CCDC6: variants seen among roughly 807,000 people sequenced by gnomAD.
CCDC6 encodes coiled-coil domain-containing protein 6.
Under a neutral mutation model 56.6 loss-of-function variants are expected in CCDC6, and 20 were observed. The observed-to-expected ratio is 0.35, with a 90% CI of 0.25 to 0.51. The LOEUF (loss-of-function observed/expected upper bound fraction) is 0.51. CCDC6 is among the 20% of genes least tolerant of loss of function. The pLI is 0.95. For synonymous variants in CCDC6, 241 were observed against 234.4 expected (o/e 1.03, Z -0.26); for missense variants, 367 against 601.1 (o/e 0.61, Z 4.07).
chr10:59,805,693 CA>C (rs2070615909), intron 6 of CCDC6: 2 of 152,142 alleles, frequency 1.3e-5, no homozygotes, highest in South Asian at 4.1e-4. Flanking sequence ...TTTTATAAGG[CA>C]AAGTTTTGAG....
intron 1 of CCDC6, among the ~76,000 whole-genome samples, chr10:59,893,615 A>AATAC (rs67669225): frequency 0.04 from 5,906 of 148,604 alleles, 112 homozygotes; most frequent in South Asian, 0.057. Context: ...CAAACAAACA[A>AATAC]ATACATACAT....
chr10:59,904,644 G>A (rs1304766346), intron 1 of CCDC6, among the ~76,000 whole-genome samples: 1 of 152,066 alleles, frequency 6.6e-6, no homozygotes, highest in Non-Finnish European at 1.5e-5. Flanking sequence ...CAAATTCCCC[G>A]CCCCCCACCT....
chr10:59,820,557 GGAAACA>G (rs1362280132), intron 3 of CCDC6, among the ~76,000 whole-genome samples: 1 of 151,964 alleles, frequency 6.6e-6, no homozygotes, highest in Non-Finnish European at 1.5e-5. Flanking sequence ...CTTAAGCCTG[GGAAACA>G]GAGTGAGATC....
chr10:59,885,713 C>A (rs2071377751), intron 1 of CCDC6, among the ~76,000 whole-genome samples: 1 of 152,072 alleles, frequency 6.6e-6, no homozygotes, highest in Non-Finnish European at 1.5e-5. Flanking sequence ...CATTTTTTTA[C>A]CAATTCTCTT....
chr10:59,842,527 A>G (rs1413039522), intron 2 of CCDC6, among the ~76,000 whole-genome samples: 2 of 152,140 alleles, frequency 1.3e-5, no homozygotes, highest in East Asian at 3.9e-4. Context: ...GGTAAACTAA[A>G]CTTGCATTTC....
intron 3 of CCDC6, among the ~76,000 whole-genome samples, chr10:59,827,200 C>T (rs994801834): frequency 6.6e-5 from 10 of 152,072 alleles, no homozygotes; most frequent in African/African-American, 2.2e-4. Context: ...AGGCAGAGCA[C>T]TTTTTTCAAA....
In CCDC6 at chr10:59,892,161, C is replaced by A. The variant is rs80115790; in HGVS notation, c.303+13961G>T. 8.0e-3 allele frequency among the ~76,000 whole-genome samples: 1,218 copies of A among 152,360 alleles called. 17 individuals carry two copies. Among genetic ancestry groups the A allele is most frequent in the African/African-American group, 0.027 (1,105 of 41,576 alleles). ...CCCATCAAAGTCCACCTTCTAGAAC[C>A]CATACCCCCATGAAAGAGGGTCAAA... is the stretch of plus-strand genomic sequence containing the variant. On this transcript the variant is annotated intron_variant, in intron 1 of 8. Coordinates refer to ENST00000263102, the MANE Select transcript of CCDC6 (RefSeq NM_005436.5).
intron 2 of CCDC6, among the ~76,000 whole-genome samples, chr10:59,837,563 G>A (rs1452314192): frequency 6.6e-6 from 1 of 152,022 alleles, no homozygotes; most frequent in Non-Finnish European, 1.5e-5. Flanking sequence ...GGCTAACATG[G>A]TGAAACCCTG....
intron 1 of CCDC6, among the ~76,000 whole-genome samples, chr10:59,901,009 G>A (rs2071500605): frequency 1.3e-5 from 2 of 152,066 alleles, no homozygotes; most frequent in African/African-American, 4.8e-5. Flanking sequence ...AGTGAACTGA[G>A]ATCGCACCAC....
At chr10:59,868,882 G>T (rs1229144334) in intron 1 of CCDC6, among the ~76,000 whole-genome samples, 1 of 149,458 alleles carries the variant, frequency 6.7e-6, no homozygotes, top group Non-Finnish European at 1.5e-5. Context: ...GAGGACTCTT[G>T]GAAGCTATGC....
chr10:59,858,367 C>T (rs2071096619), intron 1 of CCDC6, among the ~76,000 whole-genome samples: 1 of 152,138 alleles, frequency 6.6e-6, no homozygotes, highest in Admixed American at 6.6e-5. Flanking sequence ...TCCAGTATTG[C>T]CAGCAAGTCA....
At chr10:59,889,683 T>C (rs540935728) in intron 1 of CCDC6, among the ~76,000 whole-genome samples, 15 of 152,140 alleles carry the variant, frequency 9.9e-5, no homozygotes, top group Non-Finnish European at 1.5e-4. Context: ...ATTCAGCCAA[T>C]AAGAGGCACT....
At chr10:59,831,608 T>G (rs1387899818) in intron 3 of CCDC6, among the ~76,000 whole-genome samples, 2 of 152,208 alleles carry the variant, frequency 1.3e-5, no homozygotes, top group East Asian at 1.9e-4. Flanking sequence ...AGCTGGAAGA[T>G]CTTCATCTAC....
rs1417536917 is a variant in CCDC6 at position 59,790,512 on chromosome 10, C to G, written c.*2405G>C. 2 of 219,478 alleles carry G rather than the reference C, an allele frequency of 9.1e-6. No individual in the cohort carries two copies. The highest frequency in any genetic ancestry group is 9.1e-6 in the Non-Finnish European group (1 of 109,428). 13.6% of individuals were successfully genotyped at this position (219,478 alleles called of 1,614,324 possible). On this transcript the variant is annotated 3_prime_UTR_variant, in exon 9 of 9. Transcript: ENST00000263102. The stretch of plus-strand genomic sequence containing the variant: ...GTAAGACAATTGCCAAGAAATTGTC[C>G]TAGCAGGTACTACCCAAGTGTTACA...
intron 1 of CCDC6, among the ~76,000 whole-genome samples, chr10:59,901,355 G>A (rs924065680): frequency 6.6e-6 from 1 of 152,158 alleles, no homozygotes; most frequent in African/African-American, 2.4e-5. Context: ...TTCAGAGTCT[G>A]ACAAAAGTCT....
intron 7 of CCDC6, among the ~76,000 whole-genome samples, chr10:59,795,178 T>A (rs1341092462): frequency 6.6e-6 from 1 of 151,940 alleles, no homozygotes; most frequent in Non-Finnish European, 1.5e-5. Flanking sequence ...AAAGGCAACC[T>A]ATAGAATGGG....
intron 1 of CCDC6, among the ~76,000 whole-genome samples, chr10:59,889,850 G>C (rs1345589432): frequency 6.6e-6 from 1 of 152,164 alleles, no homozygotes; most frequent in African/African-American, 2.4e-5. Context: ...TTATCCTCCA[G>C]AGGGGTTGTG....
intron 1 of CCDC6, among the ~76,000 whole-genome samples, chr10:59,861,432 CAAAAAAAAAAAA>C (rs55716341): frequency 1.1e-5 from 1 of 88,970 alleles, no homozygotes; most frequent in African/African-American, 4.1e-5. Context: ...CAAAAATTAC[CAAAAAAAAAAAA>C]AAAAAAAAAT....
chr10:59,825,973 A>AG (rs1185966669), intron 3 of CCDC6, among the ~76,000 whole-genome samples: 1 of 152,152 alleles, frequency 6.6e-6, no homozygotes, highest in Non-Finnish European at 1.5e-5. Flanking sequence ...GTAGATGATG[A>AG]GGGGCACTGA....
Sources: gnomAD v4.1 joint callset for allele counts (sites outside exome capture counted in the v4.1 genomes callset) on GRCh38, gnomAD v4.1.1 for gene constraint, MANE v1.5 for transcripts, NCBI Gene and HGNC (gene_info 2026-07-23, HGNC 2026-07-21) for gene names.